Variants in SF3B2 observed in about 807,000 individuals in gnomAD.
SF3B2 encodes the protein splicing factor 3b subunit 2, also known as SAP 145.
A neutral mutation model predicts 116.3 loss-of-function variants in SF3B2; 22 were observed. The ratio of observed to expected loss-of-function variants is 0.19; its 90% CI spans 0.14 to 0.27. The LOEUF (loss-of-function observed/expected upper bound fraction) is 0.27, where lower values mean the gene tolerates loss of function less well. Among genes scored for constraint, SF3B2 ranks in the 10% least tolerant of loss-of-function variants. SF3B2 has a pLI of 1.00. For synonymous variants in SF3B2, 406 were observed against 421.6 expected (o/e 0.96, Z 0.45); for missense variants, 767 against 1,151.4 (o/e 0.67, Z 4.83).
rs866737480 is a variant in SF3B2 at position 66,068,964 on chromosome 11, G to C, written c.*219G>C. 7.6e-6 allele frequency: 4 copies of C among 525,098 alleles called. No individual in the cohort carries two copies. Among genetic ancestry groups the C allele is most frequent in the Non-Finnish European group, 1.4e-5 (4 of 289,438 alleles). 32.5% of individuals were successfully genotyped at this position (525,098 alleles called of 1,614,324 possible). On this transcript the variant is annotated 3_prime_UTR_variant, in exon 22 of 22. Coordinates refer to ENST00000322535, the MANE Select transcript of SF3B2 (RefSeq NM_006842.3). ...CCCTTCTTGCAAAAGGACTAAAATA[G>C]TCTCTTTCTACAATCACTGGGCTGC...
At chr11:66,063,957 A>G (rs969990536) in intron 19 of SF3B2, among the ~76,000 whole-genome samples, 3 of 152,136 alleles carry the variant, frequency 2.0e-5, no homozygotes, top group Non-Finnish European at 4.4e-5. Context: ...AAACTGGGTA[A>G]TGGGATGGGG....
At chr11:66,057,536 C>T (rs1181012365) in intron 7 of SF3B2, among the ~76,000 whole-genome samples, 161 bp downstream of exon 7, 1 of 152,074 alleles carries the variant, frequency 6.6e-6, no homozygotes, top group Non-Finnish European at 1.5e-5. Context: ...GGCAGAGGGA[C>T]TGGGGAGACA....
At chr11:66,057,115 C>A in intron 6 of SF3B2, 151 bp from the exon 7 acceptor site, 1 of 838,888 alleles carries the variant, frequency 1.2e-6, no homozygotes, top group Non-Finnish European at 2.1e-6. Context: ...AGCACCTGGA[C>A]CATGATCCAA....
rs771360430 is a variant in SF3B2, at chr11:66,057,348, A to G, written c.750A>G (p.Pro250=). ...CTGTTCCCCGGCCTCGTGGTCCCCC[A>G]CCGCCCCCTGGAGATGAGAACAGAG... ...GAPVPRPRGP[P]PPPGDENREM... The change falls in exon 7 of 22, where the codon CCA becomes CCG. Residue 250 remains proline, a synonymous_variant. Coordinates refer to ENST00000322535, the MANE Select transcript of SF3B2 (RefSeq NM_006842.3). 2.0e-6 allele frequency: 3 copies of G among 1,526,208 alleles called. No homozygotes were observed. Among genetic ancestry groups the G allele is most frequent in the South Asian group, 1.1e-5 (1 of 89,408 alleles). The allele number at this position is 1,526,208 out of a possible 1,614,324, so 94.5% of individuals were successfully genotyped here.
At chr11:66,057,485 T>G in intron 7 of SF3B2, 110 bp downstream of exon 7, 1 of 659,338 alleles carries the variant, frequency 1.5e-6, no homozygotes, top group Non-Finnish European at 2.7e-6. Flanking sequence ...CTTAAATTCC[T>G]GGGGGTAGTG....
chr11:66,056,582 A>G (rs1856998601), intron 5 of SF3B2, among the ~76,000 whole-genome samples: 1 of 152,180 alleles, frequency 6.6e-6, no homozygotes, highest in African/African-American at 2.4e-5. Flanking sequence ...TTGGCTCAAT[A>G]TGAAATTCTC....
At position 66,059,000 on chromosome 11, in the gene SF3B2, C is replaced by T. The variant is rs61736588; in HGVS notation, c.1137C>T (p.Tyr379=). ...IEYVTEEPEI[Y]EPNFIFFKRI... Reference sequence around the variant, plus strand: ...ATGTGACTGAAGAACCTGAAATTTACGAGCCCAACTTTATCTTCTTTAAGA... The same window carrying T: ...ATGTGACTGAAGAACCTGAAATTTATGAGCCCAACTTTATCTTCTTTAAGA... Residue 379 remains tyrosine, a synonymous_variant, in exon 10 of 22, where the codon TAC becomes TAT. Transcript: ENST00000322535. 240 of 1,614,114 alleles carry T rather than the reference C, an allele frequency of 1.5e-4. 6 individuals carry two copies. The Admixed American group carries it at 3.6e-3, about 24-fold the overall frequency.
rs12291895 is a variant in SF3B2, at chr11:66,054,423, G to T, written c.259-653G>T. Among the ~76,000 whole-genome samples, 955 of 151,444 alleles carry T rather than the reference G, an allele frequency of 6.3e-3. 10 individuals are homozygous for T. Among genetic ancestry groups the T allele is most frequent in the African/African-American group, 0.022 (904 of 41,226 alleles). On this transcript the variant is annotated intron_variant, in intron 3 of 21. Transcript: ENST00000322535. ...ACCTGGAAAGCGGAGGTTGCAGTGA[G>T]CTGAGATTGCGCCATTGCACTCCAG...
chr11:66,060,648 A>G lies in SF3B2; in HGVS notation c.1696A>G (p.Ile566Val). Reference protein sequence around the residue: ...KVRPKMGKIDIDYQKLHDAFF... With the variant: ...KVRPKMGKIDVDYQKLHDAFF... Reference sequence around the variant, plus strand: ...TCGGCCTAAGATGGGCAAAATTGACATCGACTACCAGAAACTGCATGATGC... The same window carrying G: ...TCGGCCTAAGATGGGCAAAATTGACGTCGACTACCAGAAACTGCATGATGC... The change falls in exon 14 of 22, where the codon ATC becomes GTC. Residue 566 changes from isoleucine to valine, a missense_variant. Around this residue, in one of 4 missense-constraint regions of SF3B2, gnomAD observed 282 missense variants for 568.0 expected, o/e 0.50. Transcript: ENST00000322535. 1 of 1,614,236 alleles carries G rather than the reference A, an allele frequency of 6.2e-7. No homozygotes were observed. The highest frequency in any genetic ancestry group is 8.5e-7 in the Non-Finnish European group (1 of 1,180,034).
chr11:66,060,137 G>A (rs972794515), intron 13 of SF3B2, 128 bp downstream of exon 13: 1 of 841,914 alleles, frequency 1.2e-6, no homozygotes, highest in Non-Finnish European at 1.9e-6. Context: ...TTATCCTTTT[G>A]TTTTCCTCCT....
rs376335850 is a variant in SF3B2, at chr11:66,057,426, G to C, written c.777+51G>C. 20 of 912,330 alleles carry C rather than the reference G, an allele frequency of 2.2e-5. No individual in the cohort carries two copies. In the African/African-American group the frequency reaches 2.5e-4, roughly 11 times the overall value. 56.5% of individuals were successfully genotyped at this position (912,330 alleles called of 1,614,324 possible). The stretch of plus-strand genomic sequence containing the variant: ...GATAAGAGAGTGGTAGTTTAGGATG[G>C]GACTATTTTTGGATTTTTAGAGAAA... On this transcript the variant is annotated intron_variant, in intron 7 of 21. Coordinates refer to ENST00000322535, the MANE Select transcript of SF3B2 (RefSeq NM_006842.3).
intron 21 of SF3B2, 76 bp downstream of exon 21, chr11:66,068,409 T>G: frequency 7.0e-7 from 1 of 1,427,074 alleles, no homozygotes; most frequent in Non-Finnish European, 9.5e-7. Context: ...CATGGTGCCC[T>G]CTAGTGGTGA....
Position 66,055,236 on chromosome 11 carries a change from C to G in SF3B2, c.419C>G (p.Ala140Gly), listed in dbSNP as rs559481393. Residue 140 changes from alanine to glycine, a missense_variant, in exon 4 of 22, where the codon GCA becomes GGA. Ala to Gly is a moderately conservative substitution (Grantham distance 60). Around this residue, in one of 4 missense-constraint regions of SF3B2, gnomAD observed 455 missense variants for 537.5 expected, o/e 0.85. Coordinates refer to ENST00000322535, the MANE Select transcript of SF3B2 (RefSeq NM_006842.3). ...PPPLRVGEPV[A>G]LSEEERLKLA... ...CCTCTCCGTGTGGGTGAGCCAGTGG[C>G]ACTGTCAGAGGAGGAGCGGCTGAAG... 1.9e-6 allele frequency: 3 copies of G among 1,613,946 alleles called. No individual in the cohort carries two copies. In the South Asian group the frequency reaches 3.3e-5, roughly 18 times the overall value.
At position 66,061,913 on chromosome 11, in the gene SF3B2, C is replaced by A. The variant is rs1037071860; in HGVS notation, c.1892C>A (p.Pro631Gln). The A allele has an allele frequency of 3.7e-6, 6 of 1,613,562 alleles. No homozygotes were observed. In the African/African-American group the frequency reaches 4.0e-5, roughly 11 times the overall value. Residue 631 changes from proline (P) to glutamine (Q), a missense_variant, in exon 16 of 22, where the codon CCA (proline) becomes CAA (glutamine). By Grantham distance (76) the Pro-to-Gln change is moderately conservative (BLOSUM62 -1). Around this residue, in one of 4 missense-constraint regions of SF3B2, gnomAD observed 282 missense variants for 568.0 expected, o/e 0.50. Transcript: ENST00000322535. ...CAGAATGCCCACAAGGTCCCTCCCC[C>A]ATGGCTGATTGCCATGCAGCGATAT... Reference protein sequence around the residue: ...VGPNAHKVPPPWLIAMQRYGP... With the variant: ...VGPNAHKVPPQWLIAMQRYGP...
chr11:66,065,675 G>A (rs1245324156), intron 19 of SF3B2: 3 of 151,838 alleles, frequency 2.0e-5, no homozygotes, highest in Non-Finnish European at 2.9e-5. Context: ...TTCTCTCTTT[G>A]TATTTCACTT....
intron 16 of SF3B2, 107 bp from the exon 17 acceptor site, chr11:66,062,902 G>A (rs1278836236): frequency 2.1e-5 from 12 of 574,906 alleles, no homozygotes; most frequent in Admixed American, 1.9e-4. Context: ...CATAATTTCC[G>A]GAGTTCCCAA....
At chr11:66,062,768 T>C (rs1241666648) in intron 16 of SF3B2, among the ~76,000 whole-genome samples, 1 of 152,234 alleles carries the variant, frequency 6.6e-6, no homozygotes, top group Non-Finnish European at 1.5e-5. Context: ...GTAAAGACTC[T>C]GCCATGACAG....
chr11:66,055,493 G>A (rs1021385588), intron 4 of SF3B2, 42 bp from the exon 5 acceptor site: 1 of 1,611,802 alleles, frequency 6.2e-7, no homozygotes, highest in Non-Finnish European at 8.5e-7. Context: ...AGATTGGCGT[G>A]TTGGGTATTG....
At position 66,059,133 on chromosome 11, in the gene SF3B2, T is replaced by C; in HGVS notation, c.1183-68T>C. 6.2e-7 allele frequency: 1 copy of C among 1,611,312 alleles called. No homozygotes were observed. The highest frequency in any genetic ancestry group is 1.7e-5 in the Admixed American group (1 of 59,800). On this transcript the variant is annotated intron_variant, in intron 10 of 21. Coordinates refer to ENST00000322535, the MANE Select transcript of SF3B2 (RefSeq NM_006842.3). This position sits in a 1 kb window ranked among gnomAD's most constrained non-coding sequence, Gnocchi z 5.0. ...AGAGGCAGCGGTGAACAGGCATCTT[T>C]TAGTGCTGGCCTTAGGAACTGGGAA...
Sources: gnomAD v4.1 joint callset for allele counts (sites outside exome capture counted in the v4.1 genomes callset) on GRCh38, gnomAD v4.1.1 for gene constraint, gnomAD v4.1.1 regional missense constraint, Gnocchi (gnomAD v3.1) non-coding constraint, MANE v1.5 for transcripts, NCBI Gene and HGNC (gene_info 2026-07-23, HGNC 2026-07-21) for gene names.